Variants in MROH2A observed in about 807,000 individuals in gnomAD.
The protein encoded by MROH2A is maestro heat like repeat family member 2A.
Under a neutral mutation model 200.4 loss-of-function variants are expected in MROH2A, and 174 were observed. That is an observed-to-expected ratio of 0.87 (90% CI 0.77 to 0.98). The LOEUF is 0.98. Ranked by LOEUF, MROH2A falls within the 50% of genes least tolerant of loss-of-function variation. The pLI, the probability that MROH2A is intolerant of heterozygous loss-of-function variation, is 0.00. For synonymous variants in MROH2A, 829 were observed against 840.4 expected (o/e 0.99, Z 0.23); for missense variants, 2,045 against 2,139.6 (o/e 0.96, Z 0.87).
intron 34 of MROH2A, 145 bp downstream of exon 34, chr2:233,823,163 G>A (rs932952118): frequency 1.2e-6 from 1 of 850,612 alleles, no homozygotes; most frequent in Non-Finnish European, 1.8e-6. Context: ...GTGACTCTAG[G>A]ATGGCAGTGG....
At chr2:233,830,480 A>G (rs1490875395) in intron 38 of MROH2A, among the ~76,000 whole-genome samples, 1 of 152,142 alleles carries the variant, frequency 6.6e-6, no homozygotes, top group Non-Finnish European at 1.5e-5. Flanking sequence ...ACATGAAAGA[A>G]ATGCAATGGT....
chr2:233,832,547 C>A (rs935096190), intron 40 of MROH2A, 32 bp from the exon 41 acceptor site: 12 of 1,450,634 alleles, frequency 8.3e-6, no homozygotes, highest in Non-Finnish European at 1.1e-5. Flanking sequence ...CTAATACTCG[C>A]GTGATGAGCA....
intron 35 of MROH2A, among the ~76,000 whole-genome samples, chr2:233,827,584 AAG>A (rs1295517072): frequency 2.6e-5 from 4 of 152,060 alleles, no homozygotes; most frequent in Non-Finnish European, 5.9e-5. Flanking sequence ...GGGGTGGGGG[AAG>A]AGAGAGTATT....
At chr2:233,808,398 GC>G (rs1702941478) in intron 21 of MROH2A, among the ~76,000 whole-genome samples, 1 of 152,204 alleles carries the variant, frequency 6.6e-6, no homozygotes, top group Admixed American at 6.5e-5. Context: ...TCTGGAGGCT[GC>G]CCCTCCCTGC....
chr2:233,816,298 G>A (rs1703519384), intron 26 of MROH2A, among the ~76,000 whole-genome samples: 3 of 152,174 alleles, frequency 2.0e-5, no homozygotes, highest in Non-Finnish European at 4.4e-5. Context: ...CTGACTAATA[G>A]TGTGAACTTG....
chr2:233,808,223 G>C (rs181342448), intron 21 of MROH2A, among the ~76,000 whole-genome samples: 6 of 152,280 alleles, frequency 3.9e-5, no homozygotes, highest in Admixed American at 3.9e-4. Context: ...GTAGTGCTCA[G>C]TGGGTGCTTG....
At chr2:233,810,514 C>T (rs1431790402) in intron 22 of MROH2A, among the ~76,000 whole-genome samples, 1 of 152,196 alleles carries the variant, frequency 6.6e-6, no homozygotes, top group East Asian at 1.9e-4. Flanking sequence ...AGTTACAATT[C>T]AAGTTGAGAT....
intron 3 of MROH2A, among the ~76,000 whole-genome samples, chr2:233,788,083 TATATATACATATA>T (rs1701464032): frequency 1.1e-5 from 1 of 94,750 alleles, no homozygotes; most frequent in Non-Finnish European, 2.0e-5. Context: ...ACATATATAT[TATATATACATATA>T]TTATATATAC....
At chr2:233,819,171 G>A (rs566943933) in intron 29 of MROH2A, 146 bp from the exon 30 acceptor site, 2 of 825,806 alleles carry the variant, frequency 2.4e-6, no homozygotes, top group Non-Finnish European at 3.7e-6. Context: ...AGCCCCTTCT[G>A]GCTCAGCCCA....
intron 3 of MROH2A, among the ~76,000 whole-genome samples, chr2:233,785,330 G>A (rs1008929407): frequency 6.6e-6 from 1 of 151,978 alleles, no homozygotes; most frequent in Non-Finnish European, 1.5e-5. Flanking sequence ...GGGTATGGTG[G>A]CACCTGTCTG....
At chr2:233,814,514 T>G (rs764013617) in intron 25 of MROH2A, 68 bp from the exon 26 acceptor site, 63 of 1,157,198 alleles carry the variant, frequency 5.4e-5, no homozygotes, top group Non-Finnish European at 7.8e-5. Context: ...TGGCATGAAC[T>G]CCCTGCAGGG....
intron 12 of MROH2A, among the ~76,000 whole-genome samples, chr2:233,799,203 A>G (rs1342351430): frequency 6.6e-6 from 1 of 152,150 alleles, no homozygotes; most frequent in African/African-American, 2.4e-5. Context: ...ACCCATCCTC[A>G]AAAGGCTGAA....
rs1701867083 is a variant in MROH2A at position 233,792,794 on chromosome 2, A to C, written c.572-2A>C. ...CTGTAATCATCCCTCACAACCTCAC[A>C]GTGTTTGAGTTCATGCCATACATGG... On this transcript the variant is annotated splice_acceptor_variant, in intron 5 of 41. Transcript: ENST00000389758. LOFTEE classifies it high-confidence loss of function. 3 of 1,521,044 alleles carry C rather than the reference A, an allele frequency of 2.0e-6. No individual in the cohort carries two copies. In the African/African-American group the frequency reaches 4.2e-5, roughly 21 times the overall value. 94.2% of individuals were successfully genotyped at this position (1,521,044 alleles called of 1,614,324 possible).
rs1187481508 is a variant in MROH2A at position 233,778,354 on chromosome 2, G to A, written c.-142G>A. The A allele has an allele frequency of 1.2e-5, 2 of 169,134 alleles. No individual in the cohort carries two copies. Among genetic ancestry groups the A allele is most frequent in the Admixed American group, 6.5e-5 (1 of 15,288 alleles). The allele number at this position is 169,134 out of a possible 1,614,324, so 10.5% of individuals were successfully genotyped here. ...CATTCCTATAAGAAATATGACTGAAGAGCCCAGCTGTCTCACTTTGATAAC... is the reference window on the plus strand; with the variant it reads ...CATTCCTATAAGAAATATGACTGAAAAGCCCAGCTGTCTCACTTTGATAAC... On this transcript the variant is annotated 5_prime_UTR_variant, in exon 1 of 42. Coordinates refer to ENST00000389758, the MANE Select transcript of MROH2A (RefSeq NM_001394639.1).
intron 3 of MROH2A, among the ~76,000 whole-genome samples, chr2:233,786,383 GGCTCTC>G (rs1701211162): frequency 6.6e-6 from 1 of 152,170 alleles, no homozygotes; most frequent in Non-Finnish European, 1.5e-5. Context: ...GTCCTCACGT[GGCTCTC>G]CTGTGCATGC....
Position 233,822,491 on chromosome 2 carries a change from GC to G in MROH2A, c.3803del (p.Pro1268ArgfsTer3), listed in dbSNP as rs1704012002. The G allele has an allele frequency of 6.4e-7, 1 of 1,550,656 alleles. No homozygotes were observed. The highest frequency in any genetic ancestry group is 1.4e-5 in the African/African-American group (1 of 73,166). ...GSSHRPEAAP[P>X]VLKMWKLVHT... ...GCAGCCACCGACCAGAGGCCGCCCC[GC>G]CGGTCTTGAAGATGTGGAAGCTGGT... On this transcript the variant is annotated frameshift_variant, in exon 33 of 42. Coordinates refer to ENST00000389758, the MANE Select transcript of MROH2A (RefSeq NM_001394639.1). LOFTEE classifies it high-confidence loss of function.
rs911406086 is a variant in MROH2A at position 233,792,995 on chromosome 2, A to G, written c.670+101A>G. ...GGAGGGGTTGTTGAAAAAGAGGTGC[A>G]CTGTTCACTTGTTCTCCAAAGGAGT... On this transcript the variant is annotated intron_variant, in intron 6 of 41. Transcript: ENST00000389758. 1.0e-5 allele frequency: 12 copies of G among 1,160,636 alleles called. No individual in the cohort carries two copies. The African/African-American group carries it at 1.2e-4, about 12-fold the overall frequency. The allele number at this position is 1,160,636 out of a possible 1,614,324, so 71.9% of individuals were successfully genotyped here. A position where few individuals can be genotyped will look rare whatever the true frequency, so the allele number is the denominator to read the frequency against.
At chr2:233,781,942 G>T (rs572864280) in intron 3 of MROH2A, among the ~76,000 whole-genome samples, 1 of 152,076 alleles carries the variant, frequency 6.6e-6, no homozygotes, top group Non-Finnish European at 1.5e-5. Flanking sequence ...TCTGCATATG[G>T]TTATCCAGTT....
intron 3 of MROH2A, among the ~76,000 whole-genome samples, chr2:233,787,552 T>C (rs55809044): frequency 0.16 from 10,963 of 68,580 alleles, 2,013 homozygotes; most frequent in East Asian, 0.47. Flanking sequence ...ACATATATAT[T>C]ATATATACAT....
Sources: gnomAD v4.1 joint callset for allele counts (sites outside exome capture counted in the v4.1 genomes callset) on GRCh38, gnomAD v4.1.1 for gene constraint, MANE v1.5 for transcripts, NCBI Gene and HGNC (gene_info 2026-07-23, HGNC 2026-07-21) for gene names.